Variants in PACRG observed in about 807,000 individuals in gnomAD.
The protein encoded by PACRG is parkin coregulated, also known as parkin coregulated gene protein.
A neutral mutation model predicts 29.7 loss-of-function variants in PACRG; 29 were observed. The observed-to-expected ratio is 0.98, with a 90% CI of 0.73 to 1.33. PACRG has a LOEUF of 1.33. PACRG is among the 40% of genes most tolerant of loss of function. The probability of loss-of-function intolerance (pLI) is 0.00; values close to 1 mark genes in which losing one functional copy is unlikely to be tolerated. For missense variants in PACRG, 279 were observed against 316.2 expected (o/e 0.88, Z 0.89); for synonymous variants, 116 against 118.7 (o/e 0.98, Z 0.15).
At chr6:163,117,300 T>A (rs772234796) in intron 4 of PACRG, among the ~76,000 whole-genome samples, 1 of 152,166 alleles carries the variant, frequency 6.6e-6, no homozygotes, top group South Asian at 2.1e-4. Context: ...GTGCTGTGGC[T>A]TCAGCTCACT....
intron 2 of PACRG, among the ~76,000 whole-genome samples, chr6:162,981,619 G>T (rs1050223265): frequency 2.6e-5 from 4 of 151,868 alleles, no homozygotes; most frequent in African/African-American, 9.7e-5. Context: ...TTTGTAAGTT[G>T]CTTTTGGCAG....
chr6:163,231,764 T>C (rs1468786612), intron 4 of PACRG, among the ~76,000 whole-genome samples: 3 of 151,936 alleles, frequency 2.0e-5, no homozygotes, highest in Non-Finnish European at 4.4e-5. Context: ...TCAGAATCAC[T>C]CTCAACAAGC....
rs146284278 is a variant in PACRG, at chr6:163,246,062, C to T, written c.614-68765C>T. The stretch of plus-strand genomic sequence containing the variant: ...TCCCTCTGCTTCCGGGACAGCCCAT[C>T]GTCCACTCAGTAGCCAGAATGGTCT... On this transcript the variant is annotated intron_variant, in intron 4 of 4. Transcript: ENST00000366888. Among the ~76,000 whole-genome samples the T allele has an allele frequency of 1.5e-4, 23 of 152,306 alleles. No individual in the cohort carries two copies. The South Asian group carries it at 2.5e-3, about 16-fold the overall frequency.
chr6:162,769,251 C>T (rs990095732), intron 1 of PACRG, among the ~76,000 whole-genome samples: 1 of 151,996 alleles, frequency 6.6e-6, no homozygotes, highest in Non-Finnish European at 1.5e-5. Context: ...GTGGTCTAGA[C>T]ATAGCCAACT....
intron 1 of PACRG, among the ~76,000 whole-genome samples, chr6:162,734,128 C>T (rs1368183884): frequency 1.3e-5 from 2 of 152,138 alleles, no homozygotes; most frequent in African/African-American, 2.4e-5. Flanking sequence ...AAATCAGTGG[C>T]TCCAAAGAAA....
At chr6:163,147,204 T>C (rs1258371322) in intron 4 of PACRG, among the ~76,000 whole-genome samples, 1 of 152,228 alleles carries the variant, frequency 6.6e-6, no homozygotes, top group Non-Finnish European at 1.5e-5. Context: ...GTTCAATGTA[T>C]ATAATTACAA....
chr6:163,014,154 G>T, intron 2 of PACRG, among the ~76,000 whole-genome samples: 1 of 152,186 alleles, frequency 6.6e-6, no homozygotes, highest in East Asian at 1.9e-4. Flanking sequence ...GTGGTCTCCA[G>T]CTGCATAGAT....
intron 4 of PACRG, among the ~76,000 whole-genome samples, chr6:163,290,511 C>A (rs903394587): frequency 6.6e-6 from 1 of 152,192 alleles, no homozygotes; most frequent in Admixed American, 6.5e-5. Context: ...GGGCTGAGCG[C>A]CCCGCAGCCT....
intron 2 of PACRG, among the ~76,000 whole-genome samples, chr6:162,926,584 A>G (rs1797457334): frequency 6.6e-6 from 1 of 152,128 alleles, no homozygotes; most frequent in African/African-American, 2.4e-5. Context: ...TGATGCTGTG[A>G]GAGAACTGGC....
chr6:163,255,432 T>G (rs914406430), intron 4 of PACRG, among the ~76,000 whole-genome samples: 2 of 152,066 alleles, frequency 1.3e-5, no homozygotes, highest in African/African-American at 4.8e-5. Flanking sequence ...TAGAGGCAAC[T>G]GGACACCATC....
intron 2 of PACRG, among the ~76,000 whole-genome samples, chr6:162,822,821 G>A (rs994437734): frequency 6.6e-6 from 1 of 152,026 alleles, no homozygotes; most frequent in Non-Finnish European, 1.5e-5. Flanking sequence ...CTCTTTAGAA[G>A]ATAACATCTT....
intron 2 of PACRG, among the ~76,000 whole-genome samples, chr6:162,980,039 A>T (rs1802276477): frequency 6.6e-6 from 1 of 152,126 alleles, no homozygotes; most frequent in South Asian, 2.1e-4. Flanking sequence ...TTTTAGAAAG[A>T]TATGTAGTTT....
intron 1 of PACRG, among the ~76,000 whole-genome samples, chr6:162,768,033 A>G (rs1294118654): frequency 6.6e-6 from 1 of 152,046 alleles, no homozygotes; most frequent in African/African-American, 2.4e-5. Context: ...TAAATAGGTG[A>G]TTGGAGAGAT....
At chr6:163,054,911 C>T (rs1479017678) in intron 2 of PACRG, among the ~76,000 whole-genome samples, 2 of 152,166 alleles carry the variant, frequency 1.3e-5, no homozygotes, top group Non-Finnish European at 2.9e-5. Context: ...GTCTCAGAAC[C>T]AGCGAGGTCA....
At chr6:162,953,712 C>A (rs969925627) in intron 2 of PACRG, among the ~76,000 whole-genome samples, 3 of 150,790 alleles carry the variant, frequency 2.0e-5, no homozygotes, top group Non-Finnish European at 4.4e-5. Flanking sequence ...CTTTCTCCCA[C>A]CCCCATTTCT....
chr6:163,244,783 A>G (rs1204189194), intron 4 of PACRG, among the ~76,000 whole-genome samples: 1 of 152,230 alleles, frequency 6.6e-6, no homozygotes, highest in Non-Finnish European at 1.5e-5. Flanking sequence ...GCAGTACTAA[A>G]ATGAAAGTGT....
intron 1 of PACRG, among the ~76,000 whole-genome samples, chr6:162,747,187 C>A (rs947133735): frequency 6.6e-6 from 1 of 150,974 alleles, no homozygotes; most frequent in Non-Finnish European, 1.5e-5. Flanking sequence ...AGAATATAAG[C>A]AGGCAGAAAA....
chr6:162,821,036 C>T (rs554467923), intron 2 of PACRG, among the ~76,000 whole-genome samples: 1 of 152,048 alleles, frequency 6.6e-6, no homozygotes, highest in South Asian at 2.1e-4. Context: ...TAAATTGTTA[C>T]ATCTTAAAAG....
At chr6:163,034,217 GTCTCATCAGC>G (rs1359457190) in intron 2 of PACRG, among the ~76,000 whole-genome samples, 1 of 152,186 alleles carries the variant, frequency 6.6e-6, no homozygotes, top group Non-Finnish European at 1.5e-5. Flanking sequence ...TTTTCCAGCA[GTCTCATCAGC>G]TCTCAAGTTT....
Sources: gnomAD v4.1 joint callset for allele counts (sites outside exome capture counted in the v4.1 genomes callset) on GRCh38, gnomAD v4.1.1 for gene constraint, MANE v1.5 for transcripts, NCBI Gene and HGNC (gene_info 2026-07-23, HGNC 2026-07-21) for gene names.